Variants in MAGI2 observed in about 807,000 individuals in gnomAD.
MAGI2 encodes membrane associated guanylate kinase, WW and PDZ domain containing 2.
A neutral mutation model predicts 133.3 loss-of-function variants in MAGI2; 35 were observed. That is an observed-to-expected ratio of 0.26 (90% CI 0.20 to 0.35). The LOEUF (loss-of-function observed/expected upper bound fraction) is 0.35, where lower values mean the gene tolerates loss of function less well. MAGI2 is among the 10% of genes least tolerant of loss of function. The pLI, the probability that MAGI2 is intolerant of heterozygous loss-of-function variation, is 1.00. For missense variants in MAGI2, 1,636 were observed against 1,863.4 expected, an observed-to-expected ratio of 0.88 and a Z score of 2.25; for synonymous variants, 729 against 710.6, an observed-to-expected ratio of 1.03 and a Z score of -0.41.
intron 6 of MAGI2, among the ~76,000 whole-genome samples, chr7:78,398,399 C>T (rs1004430094): frequency 6.6e-6 from 1 of 152,060 alleles, no homozygotes; most frequent in Non-Finnish European, 1.5e-5. Flanking sequence ...TTGCTAACTA[C>T]GAGTCTACCG....
intron 21 of MAGI2, among the ~76,000 whole-genome samples, chr7:78,069,539 GGAGA>G (rs3840607): frequency 0.3 from 40,569 of 134,484 alleles, 6,054 homozygotes; most frequent in East Asian, 0.47. Flanking sequence ...GAAAGAGAGA[GGAGA>G]GAGAGAGAGA....
At chr7:78,677,779 C>G (rs1015413323) in intron 2 of MAGI2, among the ~76,000 whole-genome samples, 1 of 152,048 alleles carries the variant, frequency 6.6e-6, no homozygotes, top group African/African-American at 2.4e-5. Flanking sequence ...AACAACATGG[C>G]GTCCAGTGAT....
intron 1 of MAGI2, among the ~76,000 whole-genome samples, chr7:79,230,106 T>C (rs2129554154): frequency 6.6e-6 from 1 of 151,708 alleles, no homozygotes; most frequent in East Asian, 1.9e-4. Flanking sequence ...TCCATGTCCC[T>C]ACAAAGGACA....
In MAGI2 at chr7:78,647,488, G is replaced by A. The variant is rs374548554; in HGVS notation, c.419-20249C>T. ...TAGAATGGTGATCATTAAAAACTCA[G>A]GAAACAACAGATGCTGGAGAGGATG... On this transcript the variant is annotated intron_variant, in intron 2 of 21. Coordinates refer to ENST00000354212, the MANE Select transcript of MAGI2 (RefSeq NM_012301.4). 7.9e-5 allele frequency among the ~76,000 whole-genome samples: 12 copies of A among 152,212 alleles called. 1 individual carries two copies. In the East Asian group the frequency reaches 9.7e-4, roughly 12 times the overall value.
At chr7:78,445,208 C>T (rs1158629029) in intron 6 of MAGI2, among the ~76,000 whole-genome samples, 16 of 151,988 alleles carry the variant, frequency 1.1e-4, no homozygotes, top group Admixed American at 1.1e-3. Flanking sequence ...CAGTGCCTTG[C>T]AAGCAGATAT....
chr7:79,347,894 T>C (rs1841436331), intron 1 of MAGI2, among the ~76,000 whole-genome samples: 1 of 151,994 alleles, frequency 6.6e-6, no homozygotes, highest in Non-Finnish European at 1.5e-5. Flanking sequence ...TTACTAGTGC[T>C]GTATTATTTA....
At position 78,168,158 on chromosome 7, in the gene MAGI2, CT is replaced by C. The variant is rs113437537; in HGVS notation, c.2404-51del. 233,991 of 1,196,244 alleles carry C rather than the reference CT, an allele frequency of 0.2. 1,200 individuals are homozygous for C. Among genetic ancestry groups the C allele is most frequent in the East Asian group, 0.36 (13,392 of 36,958 alleles). The allele number at this position is 1,196,244 out of a possible 1,614,324, so 74.1% of individuals were successfully genotyped here. A position where few individuals can be genotyped will look rare whatever the true frequency, so the allele number is the denominator to read the frequency against. ...GACATTCACATTTCAATCCTTTTTC[CT>C]TTTTTTTTTTTTTCGAAACAGAGTC... On this transcript the variant is annotated intron_variant, in intron 14 of 21. Coordinates refer to ENST00000354212, the MANE Select transcript of MAGI2 (RefSeq NM_012301.4).
intron 1 of MAGI2, among the ~76,000 whole-genome samples, chr7:79,289,775 T>C (rs1412259804): frequency 1.3e-5 from 2 of 152,208 alleles, no homozygotes; most frequent in Non-Finnish European, 2.9e-5. Context: ...TTTCCATTTC[T>C]GCAGTGTCAT....
chr7:78,345,682 C>T, intron 8 of MAGI2: 1 of 462,262 alleles, frequency 2.2e-6, no homozygotes, highest in Non-Finnish European at 3.8e-6. Flanking sequence ...ATCCATTAAT[C>T]TCCACGTGGT....
At chr7:78,859,691 C>CT (rs1563590624) in intron 2 of MAGI2, among the ~76,000 whole-genome samples, 1 of 16,434 alleles carries the variant, frequency 6.1e-5, no homozygotes, top group Non-Finnish European at 1.5e-3. Flanking sequence ...TTCATTTCAA[C>CT]TTTGTTAATC....
At chr7:78,265,278 T>G (rs1193062579) in intron 9 of MAGI2, among the ~76,000 whole-genome samples, 1 of 152,196 alleles carries the variant, frequency 6.6e-6, no homozygotes, top group Non-Finnish European at 1.5e-5. Flanking sequence ...ACTGATTATT[T>G]GCTGATCTGG....
chr7:78,538,920 C>A (rs1007736545), intron 3 of MAGI2, among the ~76,000 whole-genome samples: 4 of 152,184 alleles, frequency 2.6e-5, no homozygotes, highest in Non-Finnish European at 5.9e-5. Flanking sequence ...GAATAGAATA[C>A]TACCTCACAT....
chr7:79,374,225 G>A (rs1357907390), intron 1 of MAGI2, among the ~76,000 whole-genome samples: 1 of 151,764 alleles, frequency 6.6e-6, no homozygotes, highest in East Asian at 1.9e-4. Context: ...TGGAAATAGG[G>A]TCTTTACAAA....
chr7:79,414,617 T>C (rs1440243028), intron 1 of MAGI2: 4 of 152,156 alleles, frequency 2.6e-5, no homozygotes, highest in Non-Finnish European at 5.9e-5. Context: ...AGGTTCATAT[T>C]TGGTGCCTTA....
At chr7:78,505,907 C>A (rs926679094) in intron 4 of MAGI2, among the ~76,000 whole-genome samples, 4 of 68,082 alleles carry the variant, frequency 5.9e-5, no homozygotes, top group African/African-American at 5.4e-4. Flanking sequence ...TAAATGAGGG[C>A]TGGATTAAGT....
chr7:78,522,880 C>A (rs1409580251), intron 3 of MAGI2, among the ~76,000 whole-genome samples: 1 of 152,130 alleles, frequency 6.6e-6, no homozygotes, highest in Non-Finnish European at 1.5e-5. Context: ...CTAAGTTATG[C>A]ACCCAGGCAC....
At chr7:78,293,910 G>C (rs1364911079) in intron 9 of MAGI2, among the ~76,000 whole-genome samples, 2 of 152,116 alleles carry the variant, frequency 1.3e-5, no homozygotes, top group East Asian at 3.9e-4. Flanking sequence ...ATAGGGTGAG[G>C]AACGTCACAC....
intron 1 of MAGI2, among the ~76,000 whole-genome samples, chr7:79,285,038 A>G (rs533282207): frequency 5.9e-5 from 9 of 152,120 alleles, no homozygotes; most frequent in African/African-American, 1.9e-4. Context: ...AGAAGAAGTT[A>G]TATCTGGCAA....
intron 2 of MAGI2, among the ~76,000 whole-genome samples, chr7:78,656,007 A>AAGAG (rs1298063733): frequency 4.0e-5 from 6 of 151,326 alleles, no homozygotes; most frequent in African/African-American, 1.2e-4. Flanking sequence ...AGAAAAAGAA[A>AAGAG]AGAGGTTTGA....
Sources: gnomAD v4.1 joint callset for allele counts (sites outside exome capture counted in the v4.1 genomes callset) on GRCh38, gnomAD v4.1.1 for gene constraint, MANE v1.5 for transcripts, NCBI Gene and HGNC (gene_info 2026-07-23, HGNC 2026-07-21) for gene names.